Variants in C10orf67 observed in about 807,000 individuals in gnomAD.
The protein encoded by C10orf67 is uncharacterized protein C10orf67, mitochondrial.
C10orf67 carries 60 observed loss-of-function variants against 35.6 expected under a neutral mutation model. That is an observed-to-expected ratio of 1.68 (90% CI 1.37 to 2.09). The LOEUF is 2.09. C10orf67 is among the 30% of genes most tolerant of loss of function. The pLI is 0.00. For synonymous variants in C10orf67, 167 were observed against 115.8 expected, an observed-to-expected ratio of 1.44 and a Z score of -2.84; for missense variants, 474 against 330.2, an observed-to-expected ratio of 1.44 and a Z score of -3.38.
intron 15 of C10orf67, among the ~76,000 whole-genome samples, chr10:23,219,531 C>T (rs547149777): frequency 6.6e-6 from 1 of 152,300 alleles, no homozygotes. Context: ...TACCTGTGCT[C>T]TCTTGGATAA....
intron 5 of C10orf67, among the ~76,000 whole-genome samples, chr10:23,292,549 G>C (rs771052390): frequency 7.2e-5 from 11 of 152,090 alleles, no homozygotes; most frequent in Non-Finnish European, 1.3e-4. Flanking sequence ...TCTCTCGACT[G>C]ATTTCCCTTT....
At chr10:23,330,622 C>A (rs2132379095) in intron 2 of C10orf67, among the ~76,000 whole-genome samples, 1 of 152,138 alleles carries the variant, frequency 6.6e-6, no homozygotes, top group South Asian at 2.1e-4. Flanking sequence ...CGCCTGTAGT[C>A]CCAGCTACTC....
chr10:23,289,324 C>T (rs147756246), intron 7 of C10orf67, among the ~76,000 whole-genome samples: 3 of 152,186 alleles, frequency 2.0e-5, no homozygotes, highest in East Asian at 3.9e-4. Context: ...CCACCACACT[C>T]GGCTAATTTT....
chr10:23,285,401 A>T (rs1051049877), intron 7 of C10orf67, among the ~76,000 whole-genome samples: 3 of 149,104 alleles, frequency 2.0e-5, no homozygotes, highest in African/African-American at 7.3e-5. Context: ...ATATTATTTT[A>T]TACATAACAA....
At chr10:23,339,638 G>A (rs989807602) in intron 1 of C10orf67, among the ~76,000 whole-genome samples, 9 of 152,096 alleles carry the variant, frequency 5.9e-5, no homozygotes, top group Non-Finnish European at 1.3e-4. Context: ...CTTTGAGGGC[G>A]GGTCTTCTAA....
intron 12 of C10orf67, among the ~76,000 whole-genome samples, chr10:23,244,378 G>A (rs12247263): frequency 2.6e-5 from 4 of 152,086 alleles, no homozygotes; most frequent in African/African-American, 9.7e-5. Flanking sequence ...AAATCAATGA[G>A]TTAGGCTTCC....
intron 15 of C10orf67, among the ~76,000 whole-genome samples, chr10:23,214,496 A>C (rs1217546677): frequency 3.3e-5 from 5 of 152,212 alleles, no homozygotes; most frequent in Admixed American, 3.3e-4. Flanking sequence ...AACATTTTTA[A>C]AGTCATAAAT....
At chr10:23,335,520 A>G (rs1219960246) in intron 1 of C10orf67, among the ~76,000 whole-genome samples, 1 of 152,192 alleles carries the variant, frequency 6.6e-6, no homozygotes, top group Non-Finnish European at 1.5e-5. Flanking sequence ...CCCTCAAGAA[A>G]TGTTACTCAT....
chr10:23,239,652 A>T, intron 13 of C10orf67, 77 bp downstream of exon 13: 1 of 584,216 alleles, frequency 1.7e-6, no homozygotes, highest in Non-Finnish European at 3.3e-6. Flanking sequence ...GGCTTGATAA[A>T]CCTTAAACGA....
At chr10:23,242,012 C>T (rs1842193992) in intron 12 of C10orf67, among the ~76,000 whole-genome samples, 1 of 151,754 alleles carries the variant, frequency 6.6e-6, no homozygotes, top group Non-Finnish European at 1.5e-5. Flanking sequence ...AGCTCTGTTG[C>T]CCAGGCTGGA....
At chr10:23,239,684 T>C in intron 13 of C10orf67, 45 bp downstream of exon 13, 1 of 616,446 alleles carries the variant, frequency 1.6e-6, no homozygotes, top group East Asian at 2.8e-5. Flanking sequence ...AACAGACAGG[T>C]ATATTCAAAG....
At chr10:23,263,837 A>G (rs1249986491) in intron 10 of C10orf67, among the ~76,000 whole-genome samples, 1 of 152,236 alleles carries the variant, frequency 6.6e-6, no homozygotes, top group Non-Finnish European at 1.5e-5. Flanking sequence ...CAAACTTTAC[A>G]TAAAAGCACT....
intron 10 of C10orf67, chr10:23,258,474 T>C (rs546441799): frequency 2.9e-4 from 48 of 165,142 alleles, no homozygotes; most frequent in Non-Finnish European, 5.2e-4. Context: ...CACTGGCAAT[T>C]TGGTGTTCCT....
intron 1 of C10orf67, among the ~76,000 whole-genome samples, chr10:23,342,315 A>G (rs913338425): frequency 6.6e-6 from 1 of 151,612 alleles, no homozygotes; most frequent in Non-Finnish European, 1.5e-5. Flanking sequence ...CCACTATCTA[A>G]CTTATTACAT....
At chr10:23,274,326 A>T (rs186408022) in intron 8 of C10orf67, among the ~76,000 whole-genome samples, 621 of 152,264 alleles carry the variant, frequency 4.1e-3, no homozygotes, top group African/African-American at 0.014. Flanking sequence ...CCAGGCTGGA[A>T]TTTCCCAATC....
At chr10:23,219,768 A>G (rs1364004934) in intron 15 of C10orf67, among the ~76,000 whole-genome samples, 1 of 152,176 alleles carries the variant, frequency 6.6e-6, no homozygotes, top group Non-Finnish European at 1.5e-5. Flanking sequence ...ATTTTAAATT[A>G]TATTTTGTAT....
In C10orf67 at chr10:23,236,044, C is replaced by G. The variant is rs562237410; in HGVS notation, c.1434+3685G>C. On this transcript the variant is annotated intron_variant, in intron 13 of 15. Transcript: ENST00000636213. ...CGGGCGGATCACAAGGTCAGGAGAT[C>G]GAGACCATCCTGGCTAACACAGTGA... Among the ~76,000 whole-genome samples the G allele has an allele frequency of 1.1e-4, 16 of 151,878 alleles. No individual in the cohort carries two copies. In the South Asian group the frequency reaches 2.7e-3, roughly 26 times the overall value.
At chr10:23,255,813 T>C (rs1842585771) in intron 10 of C10orf67, among the ~76,000 whole-genome samples, 2 of 152,202 alleles carry the variant, frequency 1.3e-5, no homozygotes, top group East Asian at 3.8e-4. Flanking sequence ...TAATGGATTA[T>C]CTAAATTCAA....
chr10:23,297,154 A>G (rs566813760), intron 5 of C10orf67, among the ~76,000 whole-genome samples: 5 of 152,000 alleles, frequency 3.3e-5, no homozygotes, highest in Admixed American at 2.0e-4. Context: ...GTCCCCTTCT[A>G]TAAGCATTTC....
Sources: allele counts gnomAD v4.1 joint callset (sites outside exome capture counted in the v4.1 genomes callset), GRCh38; gene constraint gnomAD v4.1.1; transcripts MANE v1.5; gene names NCBI Gene and HGNC (gene_info 2026-07-23, HGNC 2026-07-21).